RORA: variants seen among roughly 807,000 people sequenced by gnomAD.
The protein encoded by RORA is nuclear receptor ROR-alpha.
Under a neutral mutation model 69.5 loss-of-function variants are expected in RORA, and 7 were observed. The ratio of observed to expected loss-of-function variants is 0.10; its 90% CI spans 0.06 to 0.19. The LOEUF (loss-of-function observed/expected upper bound fraction) is 0.19, where lower values mean the gene tolerates loss of function less well. Ranked by LOEUF, RORA falls within the 10% of genes least tolerant of loss-of-function variation. The pLI, the probability that RORA is intolerant of heterozygous loss-of-function variation, is 1.00. For missense variants in RORA, 457 were observed against 663.0 expected (o/e 0.69, Z 3.41); for synonymous variants, 261 against 240.8 (o/e 1.08, Z -0.78).
intron 2 of RORA, among the ~76,000 whole-genome samples, chr15:60,647,142 T>C (rs571370077): frequency 3.2e-4 from 48 of 152,338 alleles, no homozygotes; most frequent in African/African-American, 1.1e-3. Context: ...TCCTGCTAAC[T>C]TTCTGGGTAT....
intron 1 of RORA, among the ~76,000 whole-genome samples, chr15:61,124,559 T>C (rs993919897): frequency 5.3e-5 from 8 of 152,264 alleles, no homozygotes; most frequent in African/African-American, 1.9e-4. Flanking sequence ...AATAACCCTT[T>C]AGTTTCCGAT....
At chr15:60,982,676 T>A (rs1469204249) in intron 1 of RORA, among the ~76,000 whole-genome samples, 1 of 152,198 alleles carries the variant, frequency 6.6e-6, no homozygotes, top group Non-Finnish European at 1.5e-5. Context: ...AGCTGGGGAT[T>A]GGAGTATGGG....
At chr15:60,836,833 C>G (rs532674778) in intron 1 of RORA, among the ~76,000 whole-genome samples, 204 of 152,272 alleles carry the variant, frequency 1.3e-3, no homozygotes, top group African/African-American at 4.5e-3. Flanking sequence ...TCAGCTCCCC[C>G]CTCTGCCCTC....
At chr15:60,578,202 T>G (rs2068084675) in intron 2 of RORA, among the ~76,000 whole-genome samples, 1 of 152,220 alleles carries the variant, frequency 6.6e-6, no homozygotes, top group Admixed American at 6.5e-5. Flanking sequence ...CTACATATAT[T>G]TTTATAATAT....
intron 1 of RORA, among the ~76,000 whole-genome samples, chr15:60,854,240 G>T (rs1484099470): frequency 6.6e-6 from 1 of 151,984 alleles, no homozygotes; most frequent in Non-Finnish European, 1.5e-5. Flanking sequence ...CCAGCCTGGC[G>T]ACAGCGAGAC....
chr15:60,582,237 T>A (rs2068215091), intron 2 of RORA, among the ~76,000 whole-genome samples: 1 of 152,186 alleles, frequency 6.6e-6, no homozygotes, highest in South Asian at 2.1e-4. Context: ...TGTCTTAAAT[T>A]TTCACTTCCA....
intron 1 of RORA, among the ~76,000 whole-genome samples, chr15:60,856,169 G>A (rs893748128): frequency 4.1e-4 from 63 of 152,164 alleles, no homozygotes; most frequent in African/African-American, 1.5e-3. Context: ...GGAAACTGAT[G>A]AAGTGGAAAA....
At chr15:61,077,639 T>C (rs2078472639) in intron 1 of RORA, among the ~76,000 whole-genome samples, 1 of 152,176 alleles carries the variant, frequency 6.6e-6, no homozygotes, top group African/African-American at 2.4e-5. Flanking sequence ...CTTCTCTCCA[T>C]GTTTACCTAA....
chr15:60,828,126 G>C (rs926893060), intron 1 of RORA, among the ~76,000 whole-genome samples: 2 of 152,162 alleles, frequency 1.3e-5, no homozygotes, highest in Non-Finnish European at 2.9e-5. Context: ...GGCAGGAGGC[G>C]GGCAGGGAGC....
At chr15:60,862,245 C>G (rs1482910475) in intron 1 of RORA, among the ~76,000 whole-genome samples, 1 of 152,234 alleles carries the variant, frequency 6.6e-6, no homozygotes, top group African/African-American at 2.4e-5. Flanking sequence ...TTACCTCTTA[C>G]AGGTAACAGT....
chr15:61,081,061 A>C (rs988831385), intron 1 of RORA, among the ~76,000 whole-genome samples: 1 of 152,216 alleles, frequency 6.6e-6, no homozygotes, highest in African/African-American at 2.4e-5. Context: ...CGAATTCTCC[A>C]ATCTTCAAAG....
chr15:60,795,815 A>G (rs1176249633), intron 1 of RORA, among the ~76,000 whole-genome samples: 1 of 152,178 alleles, frequency 6.6e-6, no homozygotes, highest in Admixed American at 6.5e-5. Context: ...TGTAGACTGT[A>G]AGGCACTGCA....
At chr15:60,908,717 C>G (rs1891616396) in intron 1 of RORA, among the ~76,000 whole-genome samples, 1 of 152,070 alleles carries the variant, frequency 6.6e-6, no homozygotes, top group African/African-American at 2.4e-5. Context: ...ACCACTGCCC[C>G]AGTAATGCAG....
chr15:61,084,451 GAT>G (rs1361522425), intron 1 of RORA, among the ~76,000 whole-genome samples: 34 of 152,326 alleles, frequency 2.2e-4, no homozygotes, highest in African/African-American at 7.5e-4. Context: ...AATTACAAGA[GAT>G]GGATAATTTA....
At chr15:61,100,112 C>CTTTTTTTTT (rs911036920) in intron 1 of RORA, among the ~76,000 whole-genome samples, 7 of 119,058 alleles carry the variant, frequency 5.9e-5, no homozygotes, top group Non-Finnish European at 6.9e-5. Flanking sequence ...GGTCAATTTT[C>CTTTTTTTTT]TTTTTTTTTT....
chr15:61,113,794 A>C (rs1356502305), intron 1 of RORA, among the ~76,000 whole-genome samples: 1 of 152,226 alleles, frequency 6.6e-6, no homozygotes, highest in East Asian at 1.9e-4. Flanking sequence ...CAGTTTGTGA[A>C]GCACTTCAGC....
intron 1 of RORA, among the ~76,000 whole-genome samples, chr15:60,951,586 A>C (rs1384339859): frequency 6.6e-6 from 1 of 150,716 alleles, no homozygotes; most frequent in Non-Finnish European, 1.5e-5. Flanking sequence ...AAATAGACAC[A>C]ATAAAAAATG....
chr15:60,621,979 CGGA>C (rs1422325459), intron 2 of RORA, among the ~76,000 whole-genome samples: 1 of 151,870 alleles, frequency 6.6e-6, no homozygotes, highest in Non-Finnish European at 1.5e-5. Context: ...ATCCGGGAGG[CGGA>C]GGTCGTGGTG....
chr15:60,826,792 T>C (rs868859132), intron 1 of RORA, among the ~76,000 whole-genome samples: 334 of 117,874 alleles, frequency 2.8e-3, no homozygotes, highest in Non-Finnish European at 4.1e-3. Context: ...TCTCTCTCTT[T>C]TTTTTTTAAA....
Sources: gnomAD v4.1 joint callset for allele counts (sites outside exome capture counted in the v4.1 genomes callset) on GRCh38, gnomAD v4.1.1 for gene constraint, MANE v1.5 for transcripts, NCBI Gene and HGNC (gene_info 2026-07-23, HGNC 2026-07-21) for gene names.